Variants in CADPS2 observed in about 807,000 individuals in gnomAD.
CADPS2 encodes the protein calcium dependent secretion activator 2.
In CADPS2, 93 loss-of-function variants were observed where a neutral mutation model predicts 172.5. The observed-to-expected ratio is 0.54, with a 90% CI of 0.46 to 0.64. The LOEUF is 0.64. Among genes scored for constraint, CADPS2 ranks in the 30% least tolerant of loss-of-function variants. The pLI is 0.00. For missense variants in CADPS2, 1,420 were observed against 1,565.9 expected, an observed-to-expected ratio of 0.91 and a Z score of 1.57; for synonymous variants, 546 against 555.2, an observed-to-expected ratio of 0.98 and a Z score of 0.23.
At chr7:122,868,129 C>T (rs1031469999) in intron 1 of CADPS2, among the ~76,000 whole-genome samples, 4 of 152,120 alleles carry the variant, frequency 2.6e-5, no homozygotes, top group African/African-American at 9.7e-5. Context: ...GTAGTTTCTG[C>T]ATGCATCGAG....
chr7:122,540,191 T>C lies in CADPS2; in HGVS notation c.1475+14359A>G, dbSNP rs992451632. On this transcript the variant is annotated intron_variant, in intron 8 of 29. Coordinates refer to ENST00000449022, the MANE Select transcript of CADPS2 (RefSeq NM_017954.11). ...TAATTCATATATGACATTATACTCA[T>C]GTTGGCATCATTTACAAAAGAAGAT... 3.3e-5 allele frequency among the ~76,000 whole-genome samples: 5 copies of C among 152,248 alleles called. 1 individual carries two copies. In the South Asian group the frequency reaches 1.0e-3, roughly 32 times the overall value.
At chr7:122,391,174 A>G (rs1044899491) in intron 22 of CADPS2, among the ~76,000 whole-genome samples, 3 of 152,088 alleles carry the variant, frequency 2.0e-5, no homozygotes, top group African/African-American at 7.2e-5. Flanking sequence ...GTAATTCTGG[A>G]CACTCTGACA....
At chr7:122,626,398 T>C (rs1173066526) in intron 4 of CADPS2, among the ~76,000 whole-genome samples, 1 of 152,120 alleles carries the variant, frequency 6.6e-6, no homozygotes, top group African/African-American at 2.4e-5. Flanking sequence ...ATAAAGGATT[T>C]CCTGATAAGT....
chr7:122,662,490 C>T (rs1418065541), intron 3 of CADPS2, among the ~76,000 whole-genome samples: 3 of 151,690 alleles, frequency 2.0e-5, no homozygotes, highest in Non-Finnish European at 4.4e-5. Flanking sequence ...ATTCTCCTGC[C>T]TCAGCCTCCT....
chr7:122,576,448 C>T (rs2068050401), intron 7 of CADPS2, among the ~76,000 whole-genome samples: 1 of 152,124 alleles, frequency 6.6e-6, no homozygotes, highest in South Asian at 2.1e-4. Context: ...TTTCATCTGT[C>T]TCAGTCTCTA....
chr7:122,769,092 CAAGT>C (rs1489229984), intron 1 of CADPS2, among the ~76,000 whole-genome samples: 1 of 152,172 alleles, frequency 6.6e-6, no homozygotes, highest in Non-Finnish European at 1.5e-5. Flanking sequence ...TTCAGAGAAT[CAAGT>C]AAGTGAGTAA....
Position 122,491,353 on chromosome 7 carries a change from T to C in CADPS2, c.1610A>G (p.Gln537Arg). ...ATAATCCACAGTATAGCCTTCAAGCTGCATTAATTCTTGTGGTTCAGACTT... is the reference window on the plus strand; with the variant it reads ...ATAATCCACAGTATAGCCTTCAAGCCGCATTAATTCTTGTGGTTCAGACTT... Reference protein sequence around the residue: ...EKKSEPQELMQLEGYTVDYTD... With the variant: ...EKKSEPQELMRLEGYTVDYTD... The change falls in exon 10 of 30, where the codon CAG (glutamine) becomes CGG (arginine). Residue 537 changes from glutamine to arginine, a missense_variant. Gln to Arg is a conservative substitution (Grantham distance 43). Coordinates refer to ENST00000449022, the MANE Select transcript of CADPS2 (RefSeq NM_017954.11). The C allele has an allele frequency of 1.9e-6, 3 of 1,612,022 alleles. No homozygotes were observed. Among genetic ancestry groups the C allele is most frequent in the Non-Finnish European group, 2.5e-6 (3 of 1,178,928 alleles).
intron 1 of CADPS2, among the ~76,000 whole-genome samples, chr7:122,838,889 A>T (rs1809459238): frequency 6.6e-6 from 1 of 152,206 alleles, no homozygotes; most frequent in African/African-American, 2.4e-5. Context: ...CTCCCCATCA[A>T]GTTACCAAAG....
intron 3 of CADPS2, among the ~76,000 whole-genome samples, chr7:122,649,926 T>TTTTTTTTTG: frequency 8.0e-6 from 1 of 125,076 alleles, no homozygotes; most frequent in South Asian, 2.6e-4. Context: ...TTTTTTTTTT[T>TTTTTTTTTG]TGAGAGAGTC....
chr7:122,398,549 C>A (rs2045469686), intron 20 of CADPS2, among the ~76,000 whole-genome samples: 1 of 152,068 alleles, frequency 6.6e-6, no homozygotes, highest in Admixed American at 6.5e-5. Flanking sequence ...ATTTAAGAGA[C>A]TAAAAATTAT....
intron 1 of CADPS2, among the ~76,000 whole-genome samples, chr7:122,852,488 T>TGTGG (rs1813938987): frequency 1.3e-5 from 2 of 152,052 alleles, no homozygotes; most frequent in African/African-American, 4.8e-5. Flanking sequence ...TAGAAGTGTA[T>TGTGG]GTGGGTGGGG....
At chr7:122,378,690 A>G (rs1372925019) in intron 25 of CADPS2, 1 of 152,082 alleles carries the variant, frequency 6.6e-6, no homozygotes, top group Non-Finnish European at 1.5e-5. Context: ...AAGTGCCTCT[A>G]GGAACATGAC....
chr7:122,693,165 A>G (rs919604611), intron 2 of CADPS2, among the ~76,000 whole-genome samples: 1 of 150,990 alleles, frequency 6.6e-6, no homozygotes, highest in South Asian at 2.1e-4. Flanking sequence ...TGTGACACTC[A>G]AAGCTCCTTT....
At position 122,552,270 on chromosome 7, in the gene CADPS2, A is replaced by G. The variant is rs74366932; in HGVS notation, c.1475+2280T>C. 3.8e-3 allele frequency among the ~76,000 whole-genome samples: 572 copies of G among 152,292 alleles called. 1 individual carries two copies. The highest frequency in any genetic ancestry group is 7.3e-3 in the South Asian group (35 of 4,824). ...ATCACAGATAATTTTCAGTTCTAAC[A>G]TTGCTTCAATGTATACATCAGAAAC... On this transcript the variant is annotated intron_variant, in intron 8 of 29. Transcript: ENST00000449022.
chr7:122,564,004 T>C (rs755716887), intron 7 of CADPS2, among the ~76,000 whole-genome samples: 2 of 152,080 alleles, frequency 1.3e-5, no homozygotes, highest in Non-Finnish European at 2.9e-5. Flanking sequence ...ATTTTTGGAT[T>C]AGGGATGATC....
At chr7:122,448,431 C>A (rs1412046654) in intron 15 of CADPS2, among the ~76,000 whole-genome samples, 1 of 152,014 alleles carries the variant, frequency 6.6e-6, no homozygotes, top group Non-Finnish European at 1.5e-5. Context: ...GGACACAGAA[C>A]CAAATCATAT....
chr7:122,487,773 T>C (rs2057968050), intron 11 of CADPS2, among the ~76,000 whole-genome samples: 1 of 152,194 alleles, frequency 6.6e-6, no homozygotes, highest in East Asian at 1.9e-4. Context: ...AGGCATTCTA[T>C]GTTTCCATCT....
At chr7:122,466,482 C>G (rs1276646397) in intron 14 of CADPS2, among the ~76,000 whole-genome samples, 1 of 152,144 alleles carries the variant, frequency 6.6e-6, no homozygotes, top group Non-Finnish European at 1.5e-5. Flanking sequence ...ACAGCTTTTC[C>G]CCATGACCAC....
In CADPS2 at chr7:122,648,600, T is replaced by C. The variant is rs543957662; in HGVS notation, c.786+14637A>G. ...TACCCTAATCAGAGAAGCCACATCA[T>C]ACTATGCTTAATATAAAAGCTCCAG... On this transcript the variant is annotated intron_variant, in intron 3 of 29. Coordinates refer to ENST00000449022, the MANE Select transcript of CADPS2 (RefSeq NM_017954.11). Among the ~76,000 whole-genome samples the C allele has an allele frequency of 6.6e-5, 10 of 152,200 alleles. No homozygotes were observed. The South Asian group carries it at 2.1e-3, about 32-fold the overall frequency.
Sources: allele counts gnomAD v4.1 joint callset (sites outside exome capture counted in the v4.1 genomes callset), GRCh38; gene constraint gnomAD v4.1.1; transcripts MANE v1.5; gene names NCBI Gene and HGNC (gene_info 2026-07-23, HGNC 2026-07-21).